CHRAC1: variants seen among roughly 807,000 people sequenced by gnomAD.
The protein encoded by CHRAC1 is chromatin accessibility complex protein 1.
In CHRAC1, 6 loss-of-function variants were observed where a neutral mutation model predicts 9.1. The observed-to-expected ratio is 0.66, with a 90% CI of 0.36 to 1.29. CHRAC1 has a LOEUF of 1.29. Among genes scored for constraint, CHRAC1 ranks in the 50% most tolerant of loss-of-function variants. The probability of loss-of-function intolerance (pLI) is 0.03; values close to 1 mark genes in which losing one functional copy is unlikely to be tolerated. For missense variants in CHRAC1, 168 were observed against 163.5 expected (o/e 1.03, Z -0.15); for synonymous variants, 73 against 64.5 (o/e 1.13, Z -0.63).
Position 140,515,656 on chromosome 8 carries a change from G to C in CHRAC1, c.*409G>C, listed in dbSNP as rs530276741. On this transcript the variant is annotated 3_prime_UTR_variant, in exon 3 of 3. Transcript: ENST00000220913. ...TGGAATCAGTTCTTATAAACAGCTCGATTCAGTTTTAGCTAAATTTATAGT... is the reference window on the plus strand; with the variant it reads ...TGGAATCAGTTCTTATAAACAGCTCCATTCAGTTTTAGCTAAATTTATAGT... The C allele has an allele frequency of 6.5e-6, 1 of 154,204 alleles. No individual in the cohort carries two copies. Among genetic ancestry groups the C allele is most frequent in the Non-Finnish European group, 1.4e-5 (1 of 69,470 alleles). 9.6% of individuals were successfully genotyped at this position (154,204 alleles called of 1,614,324 possible).
rs564329813 is a variant in CHRAC1, at chr8:140,511,407, G to A, written c.-93G>A. On this transcript the variant is annotated 5_prime_UTR_variant, in exon 1 of 3. Coordinates refer to ENST00000220913, the MANE Select transcript of CHRAC1 (RefSeq NM_017444.6). ...CACTACAACTCCCACGGGGCAGCGG[G>A]CGCGGCTCCCCGTACCCACCAGCTG... is the stretch of plus-strand genomic sequence containing the variant. 7,370 of 1,133,422 alleles carry A rather than the reference G, an allele frequency of 6.5e-3. 45 individuals are homozygous for A. Among genetic ancestry groups the A allele is most frequent in the Non-Finnish European group, 6.5e-3 (5,693 of 877,140 alleles). 70.2% of individuals were successfully genotyped at this position (1,133,422 alleles called of 1,614,324 possible). A position where few individuals can be genotyped will look rare whatever the true frequency, so the allele number is the denominator to read the frequency against.
In CHRAC1 at chr8:140,511,563, T is replaced by C; in HGVS notation, c.64T>C (p.Ser22Pro). 1 of 1,464,056 alleles carries C rather than the reference T, an allele frequency of 6.8e-7. No individual in the cohort carries two copies. The highest frequency in any genetic ancestry group is 9.1e-7 in the Non-Finnish European group (1 of 1,100,310). The allele number at this position is 1,464,056 out of a possible 1,614,324, so 90.7% of individuals were successfully genotyped here. The change falls in exon 1 of 3, where the codon TCC (serine) becomes CCC (proline). Residue 22 changes from serine to proline, a missense_variant. Transcript: ENST00000220913. ...GEQRLISLPL[S>P]RIRVIMKSSP... ...GCAGCGGCTCATCTCGCTGCCTCTA[T>C]CCCGCATCCGGGTCATCATGAAGAG...
chr8:140,513,689 C>T (rs1254971058), intron 1 of CHRAC1, among the ~76,000 whole-genome samples: 2 of 152,002 alleles, frequency 1.3e-5, no homozygotes, highest in African/African-American at 2.4e-5. Flanking sequence ...ATCCTTGGTC[C>T]GCCGTCCTTG....
intron 1 of CHRAC1, chr8:140,512,052 C>T: frequency 2.3e-6 from 3 of 1,280,514 alleles, no homozygotes; most frequent in Non-Finnish European, 3.1e-6. Flanking sequence ...CTCTGCGCGC[C>T]TTTCGTCCCT....
At chr8:140,512,008 C>T (rs2072281486) in intron 1 of CHRAC1, 1 of 1,290,482 alleles carries the variant, frequency 7.7e-7, no homozygotes, top group Non-Finnish European at 1.0e-6. Flanking sequence ...TTCTCTCGCG[C>T]TTCCATTCGG....
chr8:140,511,740 G>T, intron 1 of CHRAC1, 94 bp downstream of exon 1: 1 of 1,123,902 alleles, frequency 8.9e-7, no homozygotes, highest in Non-Finnish European at 1.1e-6. Context: ...AGGCCCGCGC[G>T]CCGCCGGCTG....
In CHRAC1 at chr8:140,516,654, C is replaced by T. The variant is rs1036044539; in HGVS notation, c.*1407C>T. ...TAGCAACCACTGGTGTTTTCTGTCC[C>T]TCTTGTTCATTGACATTTATTTTAA... On this transcript the variant is annotated 3_prime_UTR_variant, in exon 3 of 3. Transcript: ENST00000220913. 6.6e-6 allele frequency: 1 copy of T among 152,082 alleles called. No individual in the cohort carries two copies. Among genetic ancestry groups the T allele is most frequent in the African/African-American group, 2.4e-5 (1 of 41,410 alleles). 9.4% of individuals were successfully genotyped at this position (152,082 alleles called of 1,614,324 possible). A position where few individuals can be genotyped will look rare whatever the true frequency, so the allele number is the denominator to read the frequency against.
At chr8:140,513,052 A>G (rs1194800326) in intron 1 of CHRAC1, among the ~76,000 whole-genome samples, 1 of 152,230 alleles carries the variant, frequency 6.6e-6, no homozygotes. Context: ...TCCTGACCTC[A>G]GGTGATCCGT....
intron 2 of CHRAC1, 100 bp from the exon 3 acceptor site, chr8:140,515,026 T>G: frequency 8.5e-7 from 1 of 1,181,648 alleles, no homozygotes; most frequent in Non-Finnish European, 1.2e-6. Context: ...TTGGAACCTC[T>G]TATAGAGGTC....
rs375583709 is a variant in CHRAC1, at chr8:140,514,377, T to A, written c.156T>A (p.Phe52Leu). 1.4e-5 allele frequency: 22 copies of A among 1,582,488 alleles called. No individual in the cohort carries two copies. Among genetic ancestry groups the A allele is most frequent in the Non-Finnish European group, 1.7e-5 (20 of 1,171,560 alleles). The change falls in exon 2 of 3, where the codon TTT becomes TTA. Residue 52 changes from phenylalanine to leucine, a missense_variant. Physicochemically the swap from Phe to Leu is conservative, Grantham distance 22. Coordinates refer to ENST00000220913, the MANE Select transcript of CHRAC1 (RefSeq NM_017444.6). ...LVLTAKATEL[F>L]VQCLATYSYR... ...TTTTCATTTTGTTCTAGGAGCTCTT[T>A]GTTCAATGCCTAGCCACCTATTCCT... is the stretch of plus-strand genomic sequence containing the variant.
At chr8:140,513,314 T>C (rs2072299624) in intron 1 of CHRAC1, among the ~76,000 whole-genome samples, 1 of 152,240 alleles carries the variant, frequency 6.6e-6, no homozygotes, top group African/African-American at 2.4e-5. Context: ...TTTGGCAAAA[T>C]GTAAGCTGTG....
chr8:140,515,015 T>C (rs1186083414), intron 2 of CHRAC1, 111 bp from the exon 3 acceptor site: 1 of 1,055,402 alleles, frequency 9.5e-7, no homozygotes, highest in Non-Finnish European at 1.4e-6. Flanking sequence ...TTCATCTTGT[T>C]TTGGAACCTC....
At chr8:140,511,764 C>A in intron 1 of CHRAC1, 118 bp downstream of exon 1, 1 of 960,182 alleles carries the variant, frequency 1.0e-6, no homozygotes. Context: ...TTGCCGGGCT[C>A]GCGCGCGCCC....
intron 1 of CHRAC1, among the ~76,000 whole-genome samples, chr8:140,514,055 G>A (rs893631728): frequency 2.0e-5 from 3 of 148,764 alleles, no homozygotes; most frequent in African/African-American, 4.9e-5. Context: ...ACAGGCACCC[G>A]CCACCATGCC....
Position 140,514,441 on chromosome 8 carries a change from T to TA in CHRAC1, c.221dup (p.Tyr74Ter), listed in dbSNP as rs2072313598. 4.4e-6 allele frequency: 7 copies of TA among 1,583,532 alleles called. No individual in the cohort carries two copies. The highest frequency in any genetic ancestry group is 5.1e-6 in the Non-Finnish European group (6 of 1,171,512). ...TGGAAAGGAAAAGAAAGTACTGACTTACAGTGATTTAGCAAACACTGCACA... is the reference window on the plus strand; with the variant it reads ...TGGAAAGGAAAAGAAAGTACTGACTTAACAGTGATTTAGCAAACACTGCACA... ...GSGKEKKVLTYSDLANTAQQS... is the reference protein window; with the variant it reads ...GSGKEKKVLT The change falls in exon 2 of 3, where the codon TAC becomes TAAC. Residue 74 changes from tyrosine to a stop codon, truncating the protein, a stop_gained and frameshift_variant. Coordinates refer to ENST00000220913, the MANE Select transcript of CHRAC1 (RefSeq NM_017444.6). LOFTEE classifies it high-confidence loss of function.
At chr8:140,512,713 T>C (rs1034659014) in intron 1 of CHRAC1, among the ~76,000 whole-genome samples, 5 of 152,242 alleles carry the variant, frequency 3.3e-5, no homozygotes, top group African/African-American at 1.2e-4. Flanking sequence ...CATGTTTTCC[T>C]AGAGCCCAGG....
At chr8:140,514,209 C>G in intron 1 of CHRAC1, 160 bp from the exon 2 acceptor site, 2 of 760,364 alleles carry the variant, frequency 2.6e-6, no homozygotes. Context: ...CCTGGCCTCC[C>G]CAGTGATTTC....
Position 140,515,353 on chromosome 8 carries a change from CAG to C in CHRAC1, c.*109_*110del. Reference sequence around the variant, plus strand: ...CGCTTTTAGCGTCTTCACTTCTTCACAGAGTTCCAGTGTGTGGTATTCTTTCG... The same window carrying C: ...CGCTTTTAGCGTCTTCACTTCTTCACAGTTCCAGTGTGTGGTATTCTTTCG... On this transcript the variant is annotated 3_prime_UTR_variant, in exon 3 of 3. Transcript: ENST00000220913. 1 of 1,205,518 alleles carries C rather than the reference CAG, an allele frequency of 8.3e-7. No individual in the cohort carries two copies. The highest frequency in any genetic ancestry group is 1.2e-6 in the Non-Finnish European group (1 of 849,160). 74.7% of individuals were successfully genotyped at this position (1,205,518 alleles called of 1,614,324 possible).
chr8:140,515,139 G>GAATATATTACCA lies in CHRAC1; in HGVS notation c.290_291insTATATTACCAAA (p.Lys96_Lys97insAsnIleLeuPro). On this transcript the variant is annotated inframe_insertion, in exon 3 of 3. Transcript: ENST00000220913. Reference sequence around the variant, plus strand: ...TATGTTTTTAAGATATATTACCAAAGAAGATTTTAGCTAGTAAATACCTGA... The same window carrying GAATATATTACCA: ...TATGTTTTTAAGATATATTACCAAAGAATATATTACCAAAGATTTTAGCTAGTAAATACCTGA... The GAATATATTACCA allele has an allele frequency of 6.2e-7, 1 of 1,611,826 alleles. No homozygotes were observed. Among genetic ancestry groups the GAATATATTACCA allele is most frequent in the Non-Finnish European group, 8.5e-7 (1 of 1,178,030 alleles).
Sources: allele counts gnomAD v4.1 joint callset (sites outside exome capture counted in the v4.1 genomes callset), GRCh38; gene constraint gnomAD v4.1.1; transcripts MANE v1.5; gene names NCBI Gene and HGNC (gene_info 2026-07-23, HGNC 2026-07-21).